SREK1IP1: variants seen among roughly 807,000 people sequenced by gnomAD.
SREK1IP1 encodes SREK1 interacting protein 1.
In SREK1IP1, 12 loss-of-function variants were observed where a neutral mutation model predicts 22.8. The observed-to-expected ratio is 0.53, with a 90% confidence interval of 0.34 to 0.85. The LOEUF is 0.85. SREK1IP1 is among the 40% of genes least tolerant of loss of function. The pLI is 0.02. For synonymous variants in SREK1IP1, 53 were observed against 52.7 expected, an observed-to-expected ratio of 1.01 and a Z score of -0.02; for missense variants, 147 against 171.8, an observed-to-expected ratio of 0.86 and a Z score of 0.81.
At position 64,720,359 on chromosome 5, in the gene SREK1IP1, ATG is replaced by A. The variant is rs980141677; in HGVS notation, c.*4023_*4024del. 2 of 152,292 alleles carry A rather than the reference ATG, an allele frequency of 1.3e-5. No individual in the cohort carries two copies. The highest frequency in any genetic ancestry group is 6.5e-5 in the Admixed American group (1 of 15,302). 9.4% of individuals were successfully genotyped at this position (152,292 alleles called of 1,614,324 possible). ...AATAATAATGAGACTGTAGAAAGAA[ATG>A]TGAGTCTAATAATAGAGCCTAAAAT... On this transcript the variant is annotated 3_prime_UTR_variant, in exon 5 of 5. Coordinates refer to ENST00000513458, the MANE Select transcript of SREK1IP1 (RefSeq NM_173829.4).
chr5:64,761,041 G>C (rs1198736364), intron 1 of SREK1IP1, among the ~76,000 whole-genome samples: 4 of 152,094 alleles, frequency 2.6e-5, no homozygotes, highest in Non-Finnish European at 5.9e-5. Context: ...CTGACAAAAG[G>C]CAATTATTGC....
Position 64,724,543 on chromosome 5 carries a change from G to A in SREK1IP1, c.309C>T (p.Asp103=), listed in dbSNP as rs368570270. The A allele has an allele frequency of 3.6e-5, 57 of 1,574,682 alleles. No homozygotes were observed. The highest frequency in any genetic ancestry group is 4.7e-5 in the Non-Finnish European group (55 of 1,169,138). Residue 103 remains aspartate (D), a synonymous_variant, in exon 5 of 5, where the codon GAC becomes GAT. Coordinates refer to ENST00000513458, the MANE Select transcript of SREK1IP1 (RefSeq NM_173829.4). ...ATTTTTGTTTCTTTTGTTTTGAAGT[G>A]TCCTCTTCAGTGGAACTGGATGAGT... The part of the protein sequence containing the change: ...RSYSSSSTEE[D]TSKQKKQKYQ...
rs1742131481 is a variant in SREK1IP1, at chr5:64,720,083, AAAGC to A, written c.*4297_*4300del. The A allele has an allele frequency of 6.6e-6, 1 of 152,196 alleles. No individual in the cohort carries two copies. Among genetic ancestry groups the A allele is most frequent in the Non-Finnish European group, 1.5e-5 (1 of 68,028 alleles). The allele number at this position is 152,196 out of a possible 1,614,324, so 9.4% of individuals were successfully genotyped here. A position where few individuals can be genotyped will look rare whatever the true frequency, so the allele number is the denominator to read the frequency against. On this transcript the variant is annotated 3_prime_UTR_variant, in exon 5 of 5. Transcript: ENST00000513458. The stretch of plus-strand genomic sequence containing the variant: ...GCTTCACAGGTTAAGCCAAATTTTA[AAAGC>A]AAGGGGCCTTATTAAATTACAGCAC...
At chr5:64,746,482 A>G (rs1487635623) in intron 2 of SREK1IP1, among the ~76,000 whole-genome samples, 1 of 152,242 alleles carries the variant, frequency 6.6e-6, no homozygotes, top group Non-Finnish European at 1.5e-5. Flanking sequence ...AAGAACAACT[A>G]TAACTCAACA....
At chr5:64,745,775 G>A (rs1742623779) in intron 2 of SREK1IP1, among the ~76,000 whole-genome samples, 1 of 152,104 alleles carries the variant, frequency 6.6e-6, no homozygotes, top group African/African-American at 2.4e-5. Flanking sequence ...ACCCTAAGGT[G>A]ATAAGACAAA....
In SREK1IP1 at chr5:64,741,175, G is replaced by A; in HGVS notation, c.87C>T (p.Arg29=). 1 of 1,611,210 alleles carries A rather than the reference G, an allele frequency of 6.2e-7. No individual in the cohort carries two copies. The highest frequency in any genetic ancestry group is 8.5e-7 in the Non-Finnish European group (1 of 1,178,528). Residue 29 remains arginine (R), a synonymous_variant, in exon 3 of 5, where the codon CGC becomes CGT. Transcript: ENST00000513458. ...TTTTAGGGTCTACTCGGAGAAAATT[G>A]CGGCATTCAAAAGTCAGGTGACCAG... ...GYPGHLTFEC[R]NFLRVDPKRD...
At chr5:64,741,419 ACTC>A (rs1742549971) in intron 2 of SREK1IP1, among the ~76,000 whole-genome samples, 2 of 151,938 alleles carry the variant, frequency 1.3e-5, no homozygotes, top group South Asian at 4.2e-4. Flanking sequence ...CTTCCTCAGA[ACTC>A]CTTATTCAAT....
At chr5:64,750,578 C>A (rs997927012) in intron 2 of SREK1IP1, among the ~76,000 whole-genome samples, 6 of 152,148 alleles carry the variant, frequency 3.9e-5, no homozygotes, top group East Asian at 1.9e-4. Flanking sequence ...AACTTCCTCT[C>A]CTACTTCCCT....
At chr5:64,731,521 C>CAAAAAAAAAAAAAAAAAAAAAAAAAAAA (rs10599290) in intron 3 of SREK1IP1, among the ~76,000 whole-genome samples, 27 of 74,660 alleles carry the variant, frequency 3.6e-4, no homozygotes, top group African/African-American at 1.0e-3. Flanking sequence ...GCCCTTGTCT[C>CAAAAAAAAAAAAAAAAAAAAAAAAAAAA]AAAAAAAAAA....
At chr5:64,755,779 T>A (rs997870811) in intron 1 of SREK1IP1, among the ~76,000 whole-genome samples, 1 of 151,986 alleles carries the variant, frequency 6.6e-6, no homozygotes, top group Non-Finnish European at 1.5e-5. Flanking sequence ...TTCTATAGCA[T>A]TGAGGAAGAA....
intron 1 of SREK1IP1, among the ~76,000 whole-genome samples, chr5:64,765,402 C>G (rs1743018176): frequency 2.0e-5 from 3 of 152,156 alleles, no homozygotes; most frequent in African/African-American, 7.2e-5. Context: ...AGGACCACCC[C>G]AAGAAATGCC....
rs981526368 is a variant in SREK1IP1, at chr5:64,721,907, A to G, written c.*2477T>C. 3 of 152,172 alleles carry G rather than the reference A, an allele frequency of 2.0e-5. No individual in the cohort carries two copies. The highest frequency in any genetic ancestry group is 7.2e-5 in the African/African-American group (3 of 41,446). 9.4% of individuals were successfully genotyped at this position (152,172 alleles called of 1,614,324 possible). ...GTGATTTCAGAGATAATCTGGTACAATATTTTATAGACGAAAGACACCAAG... is the reference window on the plus strand; with the variant it reads ...GTGATTTCAGAGATAATCTGGTACAGTATTTTATAGACGAAAGACACCAAG... On this transcript the variant is annotated 3_prime_UTR_variant, in exon 5 of 5. Transcript: ENST00000513458.
At chr5:64,724,616 C>A in intron 4 of SREK1IP1, 43 bp from the exon 5 acceptor site, 1 of 1,379,178 alleles carries the variant, frequency 7.3e-7, no homozygotes. Context: ...GCATTTATGA[C>A]TGATAGATAA....
In SREK1IP1 at chr5:64,722,430, T is replaced by C. The variant is rs1437492836; in HGVS notation, c.*1954A>G. 1 of 152,228 alleles carries C rather than the reference T, an allele frequency of 6.6e-6. No individual in the cohort carries two copies. The highest frequency in any genetic ancestry group is 1.9e-4 in the East Asian group (1 of 5,204). The allele number at this position is 152,228 out of a possible 1,614,324, so 9.4% of individuals were successfully genotyped here. A position where few individuals can be genotyped will look rare whatever the true frequency, so the allele number is the denominator to read the frequency against. On this transcript the variant is annotated 3_prime_UTR_variant, in exon 5 of 5. Transcript: ENST00000513458. ...TATCTTACTCAATGGAATAAGGTCA[T>C]TGCCTTTGTAGCATTTTCTAATTAT...
In SREK1IP1 at chr5:64,718,243, A is replaced by T; in HGVS notation, c.*6141T>A. ...TTGCTAATTAAGATGTTTCTGTATC[A>T]CATGAGATTATGCTAATTATTCAGG... On this transcript the variant is annotated 3_prime_UTR_variant, in exon 5 of 5. Coordinates refer to ENST00000513458, the MANE Select transcript of SREK1IP1 (RefSeq NM_173829.4). The T allele has an allele frequency of 2.4e-6, 1 of 408,850 alleles. No individual in the cohort carries two copies. Among genetic ancestry groups the T allele is most frequent in the East Asian group, 4.3e-5 (1 of 23,308 alleles). 25.3% of individuals were successfully genotyped at this position (408,850 alleles called of 1,614,324 possible). A position where few individuals can be genotyped will look rare whatever the true frequency, so the allele number is the denominator to read the frequency against.
intron 2 of SREK1IP1, among the ~76,000 whole-genome samples, chr5:64,741,572 T>C (rs1198374349): frequency 1.3e-5 from 2 of 152,172 alleles, no homozygotes; most frequent in East Asian, 3.8e-4. Context: ...ATTATATTCC[T>C]TTCCCATACC....
intron 2 of SREK1IP1, among the ~76,000 whole-genome samples, chr5:64,746,014 T>A (rs1742629386): frequency 6.6e-6 from 1 of 152,202 alleles, no homozygotes; most frequent in Non-Finnish European, 1.5e-5. Context: ...GGTACTGGCA[T>A]AAGAATAGAC....
chr5:64,752,144 G>GTTTTTTTTTTTTTTTTTTTTTTTTTTT (rs755420855), intron 2 of SREK1IP1, among the ~76,000 whole-genome samples: 1 of 85,476 alleles, frequency 1.2e-5, no homozygotes. Flanking sequence ...TTTTTTTTGT[G>GTTTTTTTTTTTTTTTTTTTTTTTTTTT]TGTTTTTTTT....
At position 64,720,920 on chromosome 5, in the gene SREK1IP1, C is replaced by G. The variant is rs1742151923; in HGVS notation, c.*3464G>C. ...TCCTAAGAACTTAAAATGGTAGTCTCAATTCTTACCACTTCCTGCCTCGCC... is the reference window on the plus strand; with the variant it reads ...TCCTAAGAACTTAAAATGGTAGTCTGAATTCTTACCACTTCCTGCCTCGCC... On this transcript the variant is annotated 3_prime_UTR_variant, in exon 5 of 5. Transcript: ENST00000513458. 1 of 152,252 alleles carries G rather than the reference C, an allele frequency of 6.6e-6. No individual in the cohort carries two copies. The highest frequency in any genetic ancestry group is 1.5e-5 in the Non-Finnish European group (1 of 68,052). The allele number at this position is 152,252 out of a possible 1,614,324, so 9.4% of individuals were successfully genotyped here.
Sources: allele counts gnomAD v4.1 joint callset (sites outside exome capture counted in the v4.1 genomes callset), GRCh38; gene constraint gnomAD v4.1.1; transcripts MANE v1.5; gene names NCBI Gene and HGNC (gene_info 2026-07-23, HGNC 2026-07-21).